Variants in AGAP1 observed in about 807,000 individuals in gnomAD.
AGAP1 encodes the protein ArfGAP with GTPase domain, ankyrin repeat and PH domain 1.
In AGAP1, 29 loss-of-function variants were observed where a neutral mutation model predicts 105.3. The observed-to-expected ratio is 0.28, with a 90% CI of 0.21 to 0.38. The LOEUF is 0.38. Among genes scored for constraint, AGAP1 ranks in the 10% least tolerant of loss-of-function variants. The probability of loss-of-function intolerance (pLI) is 1.00; values close to 1 mark genes in which losing one functional copy is unlikely to be tolerated. For missense variants in AGAP1, 998 were observed against 1,165.1 expected (o/e 0.86, Z 2.09); for synonymous variants, 509 against 485.9 (o/e 1.05, Z -0.63).
chr2:235,979,160 A>G lies in AGAP1; in HGVS notation c.1645+10537A>G, dbSNP rs1394709619. On this transcript the variant is annotated intron_variant, in intron 13 of 17. Coordinates refer to ENST00000304032, the MANE Select transcript of AGAP1 (RefSeq NM_001037131.3). The surrounding 1 kb of genome is among the most constrained non-coding windows in gnomAD (Gnocchi z 4.5). ...GTTTTTGTTTTTTTTTTTTTGGGAT[A>G]TGATCTCACTGTGTTGTCCGGGCTA... 7.0e-6 allele frequency among the ~76,000 whole-genome samples: 1 copy of G among 142,654 alleles called. No individual in the cohort carries two copies. Among genetic ancestry groups the G allele is most frequent in the African/African-American group, 2.7e-5 (1 of 36,742 alleles). The allele number at this position is 142,654 out of a possible 152,430, so 93.6% of individuals were successfully genotyped here. A position where few individuals can be genotyped will look rare whatever the true frequency, so the allele number is the denominator to read the frequency against.
intron 6 of AGAP1, among the ~76,000 whole-genome samples, chr2:235,796,057 T>G (rs1269988721): frequency 1.3e-5 from 2 of 152,242 alleles, no homozygotes; most frequent in African/African-American, 4.8e-5. Context: ...TTCTGACATC[T>G]GCACATTTCT....
Position 236,123,151 on chromosome 2 carries a change from G to A in AGAP1, c.2371-768G>A, listed in dbSNP as rs1047378388. Among the ~76,000 whole-genome samples, 4 of 152,240 alleles carry A rather than the reference G, an allele frequency of 2.6e-5. No homozygotes were observed. In the South Asian group the frequency reaches 8.3e-4, roughly 32 times the overall value. Reference sequence around the variant, plus strand: ...TGCAGTGGTGTGATGTCGGCCCACGGCAGCCTCTGCCTCCTAGGCTCAAGC... The same window carrying A: ...TGCAGTGGTGTGATGTCGGCCCACGACAGCCTCTGCCTCCTAGGCTCAAGC... On this transcript the variant is annotated intron_variant, in intron 17 of 17. Coordinates refer to ENST00000304032, the MANE Select transcript of AGAP1 (RefSeq NM_001037131.3). This position sits in a 1 kb window ranked among gnomAD's most constrained non-coding sequence, Gnocchi z 4.6.
rs915920152 is a variant in AGAP1 at position 235,740,877 on chromosome 2, A to G, written c.311-86A>G. On this transcript the variant is annotated intron_variant, in intron 3 of 17. Coordinates refer to ENST00000304032, the MANE Select transcript of AGAP1 (RefSeq NM_001037131.3). The surrounding 1 kb of genome is among the most constrained non-coding windows in gnomAD (Gnocchi z 5.7). Reference sequence around the variant, plus strand: ...CCTCCAGGGCGACAGCCTAGGGTGTATTTTTCCACAAGCGAAGCCCACGTC... The same window carrying G: ...CCTCCAGGGCGACAGCCTAGGGTGTGTTTTTCCACAAGCGAAGCCCACGTC... 18 of 1,551,574 alleles carry G rather than the reference A, an allele frequency of 1.2e-5. No homozygotes were observed. Among genetic ancestry groups the G allele is most frequent in the Non-Finnish European group, 3.5e-6 (4 of 1,128,082 alleles).
At position 235,919,528 on chromosome 2, in the gene AGAP1, G is replaced by T. The variant is rs1419360907; in HGVS notation, c.1324+10622G>T. ...CTTTGTCTTCCCTGTGTCATTGCTG[G>T]ATTCAGTTGTGAGATCATTTTGTAA... On this transcript the variant is annotated intron_variant, in intron 11 of 17. Coordinates refer to ENST00000304032, the MANE Select transcript of AGAP1 (RefSeq NM_001037131.3). This position sits in a 1 kb window ranked among gnomAD's most constrained non-coding sequence, Gnocchi z 4.1. Among the ~76,000 whole-genome samples the T allele has an allele frequency of 6.6e-6, 1 of 152,094 alleles. No homozygotes were observed. Among genetic ancestry groups the T allele is most frequent in the East Asian group, 1.9e-4 (1 of 5,184 alleles).
intron 12 of AGAP1, among the ~76,000 whole-genome samples, chr2:235,954,834 G>A (rs1478562791): frequency 6.6e-6 from 1 of 152,016 alleles, no homozygotes; most frequent in Non-Finnish European, 1.5e-5. Flanking sequence ...TTTATTTACT[G>A]CTATTATCGC....
At chr2:235,859,541 G>GTTT (rs34414886) in intron 9 of AGAP1, among the ~76,000 whole-genome samples, 27,686 of 144,476 alleles carry the variant, frequency 0.19, 2,719 homozygotes, top group South Asian at 0.21. Flanking sequence ...TTTCTGAGCA[G>GTTT]TTTTTTTTTT....
chr2:235,999,262 G>A (rs1260303750), intron 13 of AGAP1, among the ~76,000 whole-genome samples: 1 of 147,438 alleles, frequency 6.8e-6, no homozygotes, highest in African/African-American at 2.5e-5. Context: ...GACAATGATA[G>A]TAGTGATTGT....
intron 1 of AGAP1, among the ~76,000 whole-genome samples, chr2:235,565,156 A>C (rs1404093006): frequency 7.2e-6 from 1 of 138,352 alleles, no homozygotes; most frequent in Non-Finnish European, 1.5e-5. Flanking sequence ...GCCAGGTGTG[A>C]GCCTGGACCA....
At chr2:235,835,706 A>G (rs1960076572) in intron 9 of AGAP1, among the ~76,000 whole-genome samples, 1 of 152,238 alleles carries the variant, frequency 6.6e-6, no homozygotes. Flanking sequence ...GCACTTTACA[A>G]CAAAATCGTG....
At chr2:235,807,124 A>G (rs193122149) in intron 8 of AGAP1, 115 bp from the exon 9 acceptor site, 3 of 1,002,540 alleles carry the variant, frequency 3.0e-6, no homozygotes, top group Middle Eastern at 2.1e-4. Flanking sequence ...GTGCGCACAC[A>G]TAGATCGCGC....
chr2:235,585,850 G>C (rs192607308), intron 1 of AGAP1, among the ~76,000 whole-genome samples: 96 of 152,288 alleles, frequency 6.3e-4, no homozygotes, highest in African/African-American at 2.2e-3. Context: ...CGAAATGAAG[G>C]CTGTCTCGTC....
At chr2:236,074,836 G>A (rs1447860729) in intron 16 of AGAP1, among the ~76,000 whole-genome samples, 2 of 152,152 alleles carry the variant, frequency 1.3e-5, no homozygotes, top group Non-Finnish European at 2.9e-5. Context: ...ATGCGCATCA[G>A]TTGAGCTCAT....
At chr2:235,634,197 A>G (rs1245228355) in intron 1 of AGAP1, among the ~76,000 whole-genome samples, 2 of 152,170 alleles carry the variant, frequency 1.3e-5, no homozygotes, top group African/African-American at 4.8e-5. Context: ...CCTGATGATA[A>G]ATTATGGCAT....
At chr2:235,885,001 A>G (rs1484001474) in intron 10 of AGAP1, among the ~76,000 whole-genome samples, 2 of 152,206 alleles carry the variant, frequency 1.3e-5, no homozygotes, top group Non-Finnish European at 2.9e-5. Flanking sequence ...GTCATGAGCC[A>G]TGACACCCAG....
chr2:235,762,561 AC>A (rs1284836002), intron 6 of AGAP1, among the ~76,000 whole-genome samples: 1 of 152,124 alleles, frequency 6.6e-6, no homozygotes, highest in African/African-American at 2.4e-5. Flanking sequence ...GTGGATTTCA[AC>A]TTTGTTTTCC....
In AGAP1 at chr2:235,551,996, G is replaced by T. The variant is rs1260068033; in HGVS notation, c.163+57147G>T. On this transcript the variant is annotated intron_variant, in intron 1 of 17. Transcript: ENST00000304032. This position sits in a 1 kb window ranked among gnomAD's most constrained non-coding sequence, Gnocchi z 4.8. ...CACAAGATTTCTTGAAAGAACTCTA[G>T]TTGGAGTTGTAGAGCTAATGTTTTT... is the stretch of plus-strand genomic sequence containing the variant. 2.0e-5 allele frequency among the ~76,000 whole-genome samples: 3 copies of T among 152,234 alleles called. No individual in the cohort carries two copies. Among genetic ancestry groups the T allele is most frequent in the Non-Finnish European group, 4.4e-5 (3 of 68,050 alleles).
In AGAP1 at chr2:235,863,172, C is replaced by A. The variant is rs116918316; in HGVS notation, c.1051-20173C>A. On this transcript the variant is annotated intron_variant, in intron 9 of 17. Coordinates refer to ENST00000304032, the MANE Select transcript of AGAP1 (RefSeq NM_001037131.3). ...GCAAGACGGGAGTGGTCCCTACTGT[C>A]CATAAGCTCATGATGTAGCAACTAA... Among the ~76,000 whole-genome samples the A allele has an allele frequency of 2.6e-4, 40 of 152,312 alleles. 1 individual carries two copies. In the East Asian group the frequency reaches 7.7e-3, roughly 29 times the overall value.
chr2:236,073,079 TC>T lies in AGAP1; in HGVS notation c.2114+23800del, dbSNP rs991085486. On this transcript the variant is annotated intron_variant, in intron 16 of 17. Transcript: ENST00000304032. The surrounding 1 kb of genome is among the most constrained non-coding windows in gnomAD (Gnocchi z 5.4). ...GGTGCAATCTCAGCTCACTGCAACTTCCGCCTCCCAGATTCGAGCGATTCTC... is the reference window on the plus strand; with the variant it reads ...GGTGCAATCTCAGCTCACTGCAACTTCGCCTCCCAGATTCGAGCGATTCTC... Among the ~76,000 whole-genome samples, 1 of 152,112 alleles carries T rather than the reference TC, an allele frequency of 6.6e-6. No individual in the cohort carries two copies. Among genetic ancestry groups the T allele is most frequent in the African/African-American group, 2.4e-5 (1 of 41,426 alleles).
At position 235,921,891 on chromosome 2, in the gene AGAP1, C is replaced by A. The variant is rs758601754; in HGVS notation, c.1325-8874C>A. 1.8e-4 allele frequency among the ~76,000 whole-genome samples: 27 copies of A among 152,200 alleles called. 1 individual carries two copies. Among genetic ancestry groups the A allele is most frequent in the Non-Finnish European group, 3.7e-4 (25 of 68,030 alleles). ...CCAAAAGCAAGGCAGATCTCCAATG[C>A]AAATACAGGAGCGAATGGGCCCCAT... is the stretch of plus-strand genomic sequence containing the variant. On this transcript the variant is annotated intron_variant, in intron 11 of 17. Transcript: ENST00000304032.
Sources: gnomAD v4.1 joint callset for allele counts (sites outside exome capture counted in the v4.1 genomes callset) on GRCh38, gnomAD v4.1.1 for gene constraint, Gnocchi (gnomAD v3.1) non-coding constraint, MANE v1.5 for transcripts, NCBI Gene and HGNC (gene_info 2026-07-23, HGNC 2026-07-21) for gene names.